Variants in CNBD2 observed in about 807,000 individuals in gnomAD.
The protein encoded by CNBD2 is cyclic nucleotide-binding domain-containing protein 2.
A neutral mutation model predicts 63.7 loss-of-function variants in CNBD2; 64 were observed. The ratio of observed to expected loss-of-function variants is 1.00; its 90% CI spans 0.82 to 1.24. The LOEUF (loss-of-function observed/expected upper bound fraction) is 1.24. Ranked by LOEUF, CNBD2 falls within the 50% of genes most tolerant of loss-of-function variation. The pLI is 0.00. For synonymous variants in CNBD2, 229 were observed against 255.4 expected, an observed-to-expected ratio of 0.90 and a Z score of 0.99; for missense variants, 691 against 713.5, an observed-to-expected ratio of 0.97 and a Z score of 0.36.
chr20:36,026,787 C>A (rs1261181547), intron 11 of CNBD2, among the ~76,000 whole-genome samples: 2 of 152,194 alleles, frequency 1.3e-5, no homozygotes, highest in Non-Finnish European at 2.9e-5. Flanking sequence ...GGGATAAGTA[C>A]CCCCTTTCTG....
intron 10 of CNBD2, among the ~76,000 whole-genome samples, chr20:36,017,191 G>A (rs780683035): frequency 3.3e-5 from 5 of 152,144 alleles, no homozygotes; most frequent in Admixed American, 6.5e-5. Flanking sequence ...AGCAGTGTGC[G>A]GGTGCAGAGG....
intron 6 of CNBD2, among the ~76,000 whole-genome samples, chr20:35,987,059 G>A (rs538470186): frequency 6.6e-6 from 1 of 151,350 alleles, no homozygotes; most frequent in African/African-American, 2.4e-5. Context: ...CATGAGCCAC[G>A]GTGGGGAGGG....
At chr20:35,988,550 C>T (rs2056700478) in intron 7 of CNBD2, among the ~76,000 whole-genome samples, 1 of 152,160 alleles carries the variant, frequency 6.6e-6, no homozygotes, top group South Asian at 2.1e-4. Flanking sequence ...CATCCATAAA[C>T]CCATCATCTC....
intron 8 of CNBD2, among the ~76,000 whole-genome samples, chr20:36,000,360 G>A (rs986786895): frequency 1.3e-5 from 2 of 151,964 alleles, no homozygotes; most frequent in African/African-American, 2.4e-5. Flanking sequence ...CAAGAAGTCC[G>A]TTAACATTTT....
chr20:35,990,597 C>G (rs191568635), intron 7 of CNBD2, among the ~76,000 whole-genome samples: 17 of 152,130 alleles, frequency 1.1e-4, no homozygotes, highest in Admixed American at 3.9e-4. Flanking sequence ...CACTGCACTC[C>G]AGCCTGGGCA....
chr20:35,999,699 C>T (rs1456079831), intron 8 of CNBD2, among the ~76,000 whole-genome samples: 5 of 141,898 alleles, frequency 3.5e-5, no homozygotes, highest in African/African-American at 7.9e-5. Context: ...TTTTTTGAGA[C>T]GGAGTTTTGC....
chr20:35,970,707 G>T (rs2056401051), intron 1 of CNBD2, among the ~76,000 whole-genome samples: 1 of 151,740 alleles, frequency 6.6e-6, no homozygotes, highest in Non-Finnish European at 1.5e-5. Context: ...CTGTTTGTTT[G>T]TTTGTTTGTT....
At chr20:35,971,104 C>T (rs1019713874) in intron 1 of CNBD2, among the ~76,000 whole-genome samples, 12 of 151,146 alleles carry the variant, frequency 7.9e-5, no homozygotes, top group Non-Finnish European at 1.8e-4. Flanking sequence ...CCCGCCACTA[C>T]GCCCGGCTAA....
chr20:35,977,083 A>C (rs1383569844), intron 3 of CNBD2, among the ~76,000 whole-genome samples: 2 of 152,204 alleles, frequency 1.3e-5, no homozygotes, highest in African/African-American at 2.4e-5. Context: ...TGAGCACTGA[A>C]GCTTAATCAG....
intron 8 of CNBD2, among the ~76,000 whole-genome samples, chr20:35,997,672 T>C (rs767418534): frequency 2.0e-5 from 3 of 152,204 alleles, no homozygotes; most frequent in Non-Finnish European, 4.4e-5. Flanking sequence ...CAAATTAATA[T>C]ATAAAAACTC....
At chr20:35,958,186 A>C (rs2056275347), downstream of CNBD2, among the ~76,000 whole-genome samples, 1 of 152,192 alleles carries the variant, frequency 6.6e-6, no homozygotes, top group Admixed American at 6.5e-5. Context: ...TAATCCCAGC[A>C]CTTTGGGAGG....
chr20:35,989,918 AAGG>A (rs1037919537), intron 7 of CNBD2, among the ~76,000 whole-genome samples: 13 of 150,432 alleles, frequency 8.6e-5, no homozygotes, highest in Admixed American at 5.3e-4. Flanking sequence ...AGGGGGAAGA[AAGG>A]AAGGAAAGAA....
At chr20:35,958,005 T>C (rs1381697169), downstream of CNBD2, among the ~76,000 whole-genome samples, 3 of 152,368 alleles carry the variant, frequency 2.0e-5, no homozygotes, top group South Asian at 2.1e-4. Context: ...AGAGCTCTCA[T>C]ATGAGTCCCA....
In CNBD2 at chr20:36,030,597, T is replaced by C; in HGVS notation, c.1680T>C (p.Ile560=). The C allele has an allele frequency of 6.2e-7, 1 of 1,614,182 alleles. No homozygotes were observed. The highest frequency in any genetic ancestry group is 1.1e-5 in the South Asian group (1 of 91,086). Residue 560 remains isoleucine, a synonymous_variant, in exon 12 of 12, where the codon ATT becomes ATC. Transcript: ENST00000373973. ...APQKYLPPLR[I]VQAIKAPRYK... Reference sequence around the variant, plus strand: ...AGAAATACCTCCCCCCATTGAGGATTGTCCAAGCCATCAAAGCACCTCGGT... The same window carrying C: ...AGAAATACCTCCCCCCATTGAGGATCGTCCAAGCCATCAAAGCACCTCGGT...
In CNBD2 at chr20:35,995,081, C is replaced by CT; in HGVS notation, c.901dup (p.Ser301PhefsTer4). The CT allele has an allele frequency of 6.2e-7, 1 of 1,614,136 alleles. No homozygotes were observed. Among genetic ancestry groups the CT allele is most frequent in the Non-Finnish European group, 8.5e-7 (1 of 1,179,988 alleles). Reference sequence around the variant, plus strand: ...CGGCTGTTGGACCTTGGGGCCTCCCCTTCCTACCGTAGATGGATCTGGCAG... The same window carrying CT: ...CGGCTGTTGGACCTTGGGGCCTCCCCTTTCCTACCGTAGATGGATCTGGCAG... On this transcript the variant is annotated frameshift_variant, in exon 8 of 12. Transcript: ENST00000373973. LOFTEE classifies it high-confidence loss of function.
At chr20:36,021,533 C>T (rs1307686862) in intron 10 of CNBD2, among the ~76,000 whole-genome samples, 1 of 152,146 alleles carries the variant, frequency 6.6e-6, no homozygotes, top group African/African-American at 2.4e-5. Flanking sequence ...AACTTGGATC[C>T]AGGATTAGTC....
At chr20:35,972,500 C>T (rs2056433958) in intron 1 of CNBD2, 129 bp from the exon 2 acceptor site, 2 of 871,236 alleles carry the variant, frequency 2.3e-6, no homozygotes, top group Non-Finnish European at 3.6e-6. Flanking sequence ...GTAACCATCA[C>T]TCCAGCACAC....
At chr20:35,986,959 AGGGTT>A (rs2056675760) in intron 6 of CNBD2, among the ~76,000 whole-genome samples, 1 of 152,202 alleles carries the variant, frequency 6.6e-6, no homozygotes, top group African/African-American at 2.4e-5. Context: ...GGGGGACACA[AGGGTT>A]GGATGAGCTG....
chr20:35,993,565 A>C (rs1156716021), intron 7 of CNBD2, among the ~76,000 whole-genome samples: 1 of 152,226 alleles, frequency 6.6e-6, no homozygotes, highest in African/African-American at 2.4e-5. Context: ...GAGTTTCTTA[A>C]AAAGTTACAA....
Sources: gnomAD v4.1 joint callset for allele counts (sites outside exome capture counted in the v4.1 genomes callset) on GRCh38, gnomAD v4.1.1 for gene constraint, MANE v1.5 for transcripts, NCBI Gene and HGNC (gene_info 2026-07-23, HGNC 2026-07-21) for gene names.